The following C12orf76 variants were observed in gnomAD, a reference collection of about 807,000 sequenced individuals.
C12orf76 encodes the protein chromosome 12 open reading frame 76, also known as uncharacterized protein C12orf76.
Under a neutral mutation model 6.8 loss-of-function variants are expected in C12orf76, and 6 were observed. The ratio of observed to expected loss-of-function variants is 0.88; its 90% CI spans 0.48 to 1.73. The LOEUF (loss-of-function observed/expected upper bound fraction) is 1.73. C12orf76 is among the 40% of genes most tolerant of loss of function. C12orf76 has a pLI of 0.01. For synonymous variants in C12orf76, 56 were observed against 43.7 expected, an observed-to-expected ratio of 1.28 and a Z score of -1.11; for missense variants, 99 against 98.2, an observed-to-expected ratio of 1.01 and a Z score of -0.03.
upstream of C12orf76, chr12:110,051,073 T>C (rs1892566698): frequency 1.3e-6 from 1 of 780,406 alleles, no homozygotes; most frequent in African/African-American, 1.7e-5. Flanking sequence ...CACGATCTCC[T>C]CTTTCACTTC....
chr12:110,068,262 G>GAAGAAGAA (rs1555253392), upstream of C12orf76, among the ~76,000 whole-genome samples: 312 of 99,106 alleles, frequency 3.1e-3, 2 homozygotes, highest in African/African-American at 0.012. Flanking sequence ...AGAAGAAGAA[G>GAAGAAGAA]AAGAAGAAGA....
chr12:110,047,951 T>C (rs1263842354), intron 1 of C12orf76, among the ~76,000 whole-genome samples: 1 of 152,060 alleles, frequency 6.6e-6, no homozygotes, highest in Non-Finnish European at 1.5e-5. Context: ...AGTTCATTCA[T>C]GGGCAAGCAG....
At chr12:110,042,503 T>G (rs1196461530) in intron 1 of C12orf76, 44 bp from the exon 2 acceptor site, 2 of 1,312,486 alleles carry the variant, frequency 1.5e-6, no homozygotes, top group Non-Finnish European at 1.1e-6. Context: ...AGCTCCAGGT[T>G]AGGCAATTCA....
chr12:110,065,807 T>C, intron 2 of C12orf76: 1 of 1,614,062 alleles, frequency 6.2e-7, no homozygotes. Flanking sequence ...AAAATCAAAT[T>C]CCAACTCTTC....
upstream of C12orf76, among the ~76,000 whole-genome samples, chr12:110,072,540 G>C (rs532324760): frequency 6.6e-6 from 1 of 151,812 alleles, no homozygotes; most frequent in East Asian, 1.9e-4. Context: ...TTGATTGTGG[G>C]GATGCTTGCA....
At chr12:110,045,469 C>T (rs1386707045) in intron 1 of C12orf76, among the ~76,000 whole-genome samples, 1 of 151,990 alleles carries the variant, frequency 6.6e-6, no homozygotes, top group Non-Finnish European at 1.5e-5. Flanking sequence ...ACCTGTAATC[C>T]CAGCTACTCG....
upstream of C12orf76, among the ~76,000 whole-genome samples, chr12:110,069,729 AC>A (rs138379393): frequency 0.081 from 12,302 of 151,858 alleles, 517 homozygotes; most frequent in African/African-American, 0.095. Context: ...GATGGAGGGA[AC>A]CCCCAGATGC....
Position 110,059,279 on chromosome 12 carries a change from G to A in C12orf76, n.381-116C>T, listed in dbSNP as rs564689767. 78 of 1,258,970 alleles carry A rather than the reference G, an allele frequency of 6.2e-5. No homozygotes were observed. In the African/African-American group the frequency reaches 6.6e-4, roughly 11 times the overall value. 78.0% of individuals were successfully genotyped at this position (1,258,970 alleles called of 1,614,324 possible). Reference sequence around the variant, plus strand: ...CTAATAGTTTTCTTGTGAATTCTTCGGGATTCTCCATATATGGGATTGTGC... The same window carrying A: ...CTAATAGTTTTCTTGTGAATTCTTCAGGATTCTCCATATATGGGATTGTGC... On this transcript the variant is annotated intron_variant and non_coding_transcript_variant, in intron 2 of 4. Coordinates refer to the C12orf76 transcript ENST00000309050.
intron 1 of C12orf76, chr12:110,073,347 C>T (rs371477895): frequency 3.7e-5 from 18 of 484,442 alleles, no homozygotes; most frequent in African/African-American, 1.4e-4. Context: ...GAATGTGCAC[C>T]TGAAGCTGCC....
intron 2 of C12orf76, among the ~76,000 whole-genome samples, chr12:110,064,882 G>A (rs1892832968): frequency 6.6e-6 from 1 of 152,140 alleles, no homozygotes. Flanking sequence ...GTGGCCTGTG[G>A]GTGCAGGAGA....
chr12:110,051,904 CTTTTTTTTTTTTT>C (rs567991255), upstream of C12orf76, among the ~76,000 whole-genome samples: 2 of 100,662 alleles, frequency 2.0e-5, no homozygotes, highest in Non-Finnish European at 3.9e-5. Context: ...GGCAGCTACT[CTTTTTTTTTTTTT>C]TTTTTTTTTT....
upstream of C12orf76, among the ~76,000 whole-genome samples, chr12:110,052,015 C>T (rs746413716): frequency 4.4e-4 from 65 of 148,894 alleles, no homozygotes; most frequent in Non-Finnish European, 8.2e-4. Context: ...GCCTCAGCCT[C>T]CCAAGTAGCT....
chr12:110,042,328 C>A lies in C12orf76; in HGVS notation c.*46G>T, dbSNP rs2137209942. On this transcript the variant is annotated 3_prime_UTR_variant, in exon 2 of 2. Transcript: ENST00000615315. ...CTTCTCCACTGGCCTGTGTGCAACACAACTTATCCTATTCCCAAATACTCA... is the reference window on the plus strand; with the variant it reads ...CTTCTCCACTGGCCTGTGTGCAACAAAACTTATCCTATTCCCAAATACTCA... The A allele has an allele frequency of 6.5e-7, 1 of 1,542,546 alleles. No individual in the cohort carries two copies. The highest frequency in any genetic ancestry group is 2.2e-5 in the East Asian group (1 of 44,460).
chr12:110,070,420 G>A (rs984136894), upstream of C12orf76, among the ~76,000 whole-genome samples: 4 of 151,986 alleles, frequency 2.6e-5, no homozygotes, highest in African/African-American at 9.7e-5. Context: ...TAAAAAATTA[G>A]CCAGGCGTCA....
chr12:110,059,986 A>G (rs2137232594), intron 2 of C12orf76, among the ~76,000 whole-genome samples: 1 of 152,294 alleles, frequency 6.6e-6, no homozygotes, highest in Middle Eastern at 3.4e-3. Context: ...AAGATGATGA[A>G]GATAATTTTC....
chr12:110,057,276 T>G, exon 4 of C12orf76: 1 of 1,613,566 alleles, frequency 6.2e-7, no homozygotes, highest in African/African-American at 1.3e-5. Flanking sequence ...TTCAGCAAAG[T>G]TCCTCTCCCC....
upstream of C12orf76, among the ~76,000 whole-genome samples, chr12:110,071,352 C>T (rs1892957955): frequency 6.6e-6 from 1 of 152,046 alleles, no homozygotes; most frequent in Non-Finnish European, 1.5e-5. Context: ...CATGGTTACT[C>T]TGAGGGTCAA....
intron 4 of C12orf76, among the ~76,000 whole-genome samples, chr12:110,056,680 T>C (rs1160630630): frequency 6.6e-6 from 1 of 152,140 alleles, no homozygotes; most frequent in Non-Finnish European, 1.5e-5. Context: ...TTTGGCTGTG[T>C]CCCCACCCAA....
chr12:110,054,269 A>G (rs753709367), upstream of C12orf76, among the ~76,000 whole-genome samples: 2 of 152,224 alleles, frequency 1.3e-5, no homozygotes, highest in African/African-American at 2.4e-5. The surrounding 1 kb of genome is among the most constrained non-coding windows in gnomAD (Gnocchi z 4.4). Flanking sequence ...ATGAATGTGC[A>G]TAGCAGCACT....
Sources: allele counts gnomAD v4.1 joint callset (sites outside exome capture counted in the v4.1 genomes callset), GRCh38; gene constraint gnomAD v4.1.1; non-coding constraint Gnocchi (gnomAD v3.1); transcripts MANE v1.5; gene names NCBI Gene and HGNC (gene_info 2026-07-23, HGNC 2026-07-21).